The following MED27 variants were observed in gnomAD, a reference collection of about 807,000 sequenced individuals.
The protein encoded by MED27 is mediator of RNA polymerase II transcription subunit 27.
In MED27, 30 loss-of-function variants were observed where a neutral mutation model predicts 38.2. That is an observed-to-expected ratio of 0.79 (90% CI 0.59 to 1.07). The LOEUF is 1.07. Ranked by LOEUF, MED27 falls within the 50% of genes least tolerant of loss-of-function variation. The pLI, the probability that MED27 is intolerant of heterozygous loss-of-function variation, is 0.00. For synonymous variants in MED27, 122 were observed against 153.5 expected, an observed-to-expected ratio of 0.79 and a Z score of 1.52; for missense variants, 289 against 397.5, an observed-to-expected ratio of 0.73 and a Z score of 2.32.
At chr9:131,892,011 G>C (rs987395047) in intron 5 of MED27, among the ~76,000 whole-genome samples, 1 of 152,172 alleles carries the variant, frequency 6.6e-6, no homozygotes, top group African/African-American at 2.4e-5. Flanking sequence ...GGGAAACTGA[G>C]TGTAGGGAGA....
At chr9:131,944,918 T>G (rs1218712012) in intron 3 of MED27, among the ~76,000 whole-genome samples, 1 of 152,012 alleles carries the variant, frequency 6.6e-6, no homozygotes, top group East Asian at 1.9e-4. Flanking sequence ...ATATACAATC[T>G]TCTGCAGTTC....
chr9:131,929,375 G>C (rs1017997567), intron 4 of MED27, among the ~76,000 whole-genome samples: 1 of 152,184 alleles, frequency 6.6e-6, no homozygotes, highest in African/African-American at 2.4e-5. Flanking sequence ...TTGCCCCTTA[G>C]GTACCAGCTT....
At chr9:131,864,242 A>T (rs1420092239) in intron 6 of MED27, among the ~76,000 whole-genome samples, 1 of 152,116 alleles carries the variant, frequency 6.6e-6, no homozygotes, top group African/African-American at 2.4e-5. Flanking sequence ...GACCTTTGGG[A>T]GGCTGAGTCA....
chr9:131,962,013 C>T (rs920163216), intron 3 of MED27, among the ~76,000 whole-genome samples: 2 of 152,124 alleles, frequency 1.3e-5, no homozygotes. Context: ...AAATTTGTTA[C>T]TCGATGGACA....
In MED27 at chr9:132,022,997, A is replaced by G. The variant is rs911525434; in HGVS notation, c.349-8530T>C. On this transcript the variant is annotated intron_variant, in intron 2 of 7. Transcript: ENST00000292035. ...TTGGGTGGGGACACACAGCCAAACC[A>G]TATCAGTTGGGAAAGGGCTCCTTGA... Among the ~76,000 whole-genome samples the G allele has an allele frequency of 9.2e-5, 14 of 152,184 alleles. No homozygotes were observed. The East Asian group carries it at 1.7e-3, about 19-fold the overall frequency.
intron 4 of MED27, among the ~76,000 whole-genome samples, chr9:131,922,762 A>T (rs897923827): frequency 4.0e-5 from 6 of 151,814 alleles, no homozygotes; most frequent in African/African-American, 1.2e-4. Flanking sequence ...AGCATTAGGT[A>T]TATCTCCTAA....
At chr9:131,902,210 T>C (rs1375813181) in intron 4 of MED27, among the ~76,000 whole-genome samples, 1 of 152,098 alleles carries the variant, frequency 6.6e-6, no homozygotes, top group Non-Finnish European at 1.5e-5. Context: ...CTTCTACTTG[T>C]AGCATTTTTT....
intron 4 of MED27, among the ~76,000 whole-genome samples, chr9:131,901,853 C>T (rs1415773296): frequency 3.9e-5 from 6 of 152,184 alleles, no homozygotes; most frequent in South Asian, 4.1e-4. Context: ...CCTAACAACC[C>T]GGGATTCAGC....
chr9:132,002,701 C>T (rs1049557365), intron 3 of MED27, among the ~76,000 whole-genome samples: 1 of 152,062 alleles, frequency 6.6e-6, no homozygotes, highest in Non-Finnish European at 1.5e-5. Context: ...CACTTGAGGT[C>T]AGGAGTTCAA....
intron 2 of MED27, among the ~76,000 whole-genome samples, chr9:132,033,231 G>A (rs1281066391): frequency 6.6e-6 from 1 of 152,146 alleles, no homozygotes; most frequent in African/African-American, 2.4e-5. Context: ...AAAGGGCACA[G>A]GTTAACAATG....
At chr9:131,871,195 C>T (rs895654508) in intron 6 of MED27, among the ~76,000 whole-genome samples, 8 of 152,202 alleles carry the variant, frequency 5.3e-5, no homozygotes, top group Admixed American at 5.2e-4. Flanking sequence ...ATACACCCCA[C>T]ATTCGGTATG....
rs78909220 is a variant in MED27 at position 132,002,669 on chromosome 9, T to G, written c.479+11668A>C. Among the ~76,000 whole-genome samples, 250 of 152,302 alleles carry G rather than the reference T, an allele frequency of 1.6e-3. No homozygotes were observed. The East Asian group carries it at 0.045, about 28-fold the overall frequency. ...GCTCTCGCCTATAATCCCAGCCCTT[T>G]GGGAGGCTGAGGCAAGCGGATCACT... On this transcript the variant is annotated intron_variant, in intron 3 of 7. Coordinates refer to ENST00000292035, the MANE Select transcript of MED27 (RefSeq NM_004269.4).
intron 6 of MED27, among the ~76,000 whole-genome samples, chr9:131,878,546 G>C (rs1838978318): frequency 6.6e-6 from 1 of 151,990 alleles, no homozygotes; most frequent in South Asian, 2.1e-4. Flanking sequence ...GTGTGTGTGG[G>C]TCCCTCTTGG....
intron 6 of MED27, among the ~76,000 whole-genome samples, chr9:131,870,552 A>G (rs1838813470): frequency 6.6e-6 from 1 of 152,210 alleles, no homozygotes; most frequent in African/African-American, 2.4e-5. Flanking sequence ...TAGGTGGCAC[A>G]GCAGGAGTTT....
chr9:132,066,050 C>T (rs1364536990), intron 2 of MED27, among the ~76,000 whole-genome samples: 1 of 152,188 alleles, frequency 6.6e-6, no homozygotes, highest in Non-Finnish European at 1.5e-5. Context: ...GGAAACATGG[C>T]AGAGGTGGTG....
chr9:131,884,133 G>C (rs372577297), intron 5 of MED27, 34 bp from the exon 6 acceptor site: 1 of 1,566,010 alleles, frequency 6.4e-7, no homozygotes, highest in Non-Finnish European at 8.7e-7. Context: ...CATCAGCATC[G>C]GTCTTAGAAT....
chr9:131,973,919 T>C (rs114629516), intron 3 of MED27, among the ~76,000 whole-genome samples: 2,902 of 151,736 alleles, frequency 0.019, 79 homozygotes, highest in African/African-American at 0.065. Flanking sequence ...GGTTTCACCA[T>C]AGCCGGGATG....
At chr9:131,975,232 TAGC>T (rs1225670577) in intron 3 of MED27, among the ~76,000 whole-genome samples, 1 of 152,244 alleles carries the variant, frequency 6.6e-6, no homozygotes, top group Non-Finnish European at 1.5e-5. Flanking sequence ...ATCAAATAAA[TAGC>T]AGCTTAGCAT....
chr9:131,884,676 C>T (rs1432417853), intron 5 of MED27, among the ~76,000 whole-genome samples: 1 of 146,486 alleles, frequency 6.8e-6, no homozygotes, highest in Non-Finnish European at 1.5e-5. Flanking sequence ...GGCGTGATCT[C>T]AGCTCACTGC....
Sources: gnomAD v4.1 joint callset for allele counts (sites outside exome capture counted in the v4.1 genomes callset) on GRCh38, gnomAD v4.1.1 for gene constraint, MANE v1.5 for transcripts, NCBI Gene and HGNC (gene_info 2026-07-23, HGNC 2026-07-21) for gene names.